VTI1B: variants seen among roughly 807,000 people sequenced by gnomAD.
VTI1B encodes vesicle transport through interaction with t-SNAREs homolog 1B.
In VTI1B, 18 loss-of-function variants were observed where a neutral mutation model predicts 28.6. That is an observed-to-expected ratio of 0.63 (90% CI 0.43 to 0.93). The LOEUF (loss-of-function observed/expected upper bound fraction) is 0.93, where lower values mean the gene tolerates loss of function less well. VTI1B is among the 40% of genes least tolerant of loss of function. The probability of loss-of-function intolerance (pLI) is 0.00; values close to 1 mark genes in which losing one functional copy is unlikely to be tolerated. For missense variants in VTI1B, 283 were observed against 297.0 expected, an observed-to-expected ratio of 0.95 and a Z score of 0.35; for synonymous variants, 100 against 107.9, an observed-to-expected ratio of 0.93 and a Z score of 0.46.
chr14:67,662,511 TC>T lies in VTI1B; in HGVS notation c.139del (p.Asp47IlefsTer31). On this transcript the variant is annotated frameshift_variant, in exon 2 of 6. Coordinates refer to ENST00000554659, the MANE Select transcript of VTI1B (RefSeq NM_006370.3). LOFTEE classifies it high-confidence loss of function. Reference sequence around the variant, plus strand: ...TGCTTCCTGTTGCTTTTCATCAAAATCCCTGATCAATTTCTTCTTTTCTTCT... The same window carrying T: ...TGCTTCCTGTTGCTTTTCATCAAAATCCTGATCAATTTCTTCTTTTCTTCT... ...GTEEKKKLIRDFDEKQQEANE... is the reference protein window; with the variant it reads ...GTEEKKKLIRXFDEKQQEANE... 1 of 1,611,692 alleles carries T rather than the reference TC, an allele frequency of 6.2e-7. No individual in the cohort carries two copies. Among genetic ancestry groups the T allele is most frequent in the East Asian group, 2.2e-5 (1 of 44,852 alleles).
At chr14:67,657,624 C>CACACACACA (rs1566812567) in intron 3 of VTI1B, among the ~76,000 whole-genome samples, 96 of 143,166 alleles carry the variant, frequency 6.7e-4, no homozygotes, top group South Asian at 5.9e-3. Flanking sequence ...ACACACACAC[C>CACACACACA]CAAAATCAAA....
chr14:67,648,264 G>A lies in VTI1B; in HGVS notation c.*3121C>T. The A allele has an allele frequency of 1.4e-6, 2 of 1,472,456 alleles. No homozygotes were observed. The highest frequency in any genetic ancestry group is 1.8e-6 in the Non-Finnish European group (2 of 1,087,108). 91.2% of individuals were successfully genotyped at this position (1,472,456 alleles called of 1,614,324 possible). On this transcript the variant is annotated 3_prime_UTR_variant, in exon 6 of 6. Transcript: ENST00000554659. Reference sequence around the variant, plus strand: ...CTCTTGCCTGCAAAGGATCTTTTCTGCTATTCCACATCATTGCAGAGTTTG... The same window carrying A: ...CTCTTGCCTGCAAAGGATCTTTTCTACTATTCCACATCATTGCAGAGTTTG...
Position 67,659,883 on chromosome 14 carries a change from A to G in VTI1B, c.214T>C (p.Ser72Pro). The change falls in exon 3 of 6, where the codon TCT becomes CCT. Residue 72 changes from serine to proline, a missense_variant. By Grantham distance (74) the Ser-to-Pro change is moderately conservative (BLOSUM62 -1). Transcript: ENST00000554659. ...MEEELRYAPLSFRNPMMSKLR... is the reference protein window; with the variant it reads ...MEEELRYAPLPFRNPMMSKLR... ...TTAGACATCATGGGGTTTCGGAAAGACAGGGGTGCATAACGTAGCTCCTCC... is the reference window on the plus strand; with the variant it reads ...TTAGACATCATGGGGTTTCGGAAAGGCAGGGGTGCATAACGTAGCTCCTCC... 2 of 1,614,164 alleles carry G rather than the reference A, an allele frequency of 1.2e-6. No individual in the cohort carries two copies. Among genetic ancestry groups the G allele is most frequent in the Non-Finnish European group, 1.7e-6 (2 of 1,180,028 alleles).
chr14:67,657,637 G>T (rs2037278605), intron 3 of VTI1B, among the ~76,000 whole-genome samples: 1 of 149,258 alleles, frequency 6.7e-6, no homozygotes, highest in Admixed American at 6.7e-5. Flanking sequence ...AAATCAAAAG[G>T]GACCCAGCTC....
At chr14:67,664,949 C>A (rs1442137724) in intron 1 of VTI1B, among the ~76,000 whole-genome samples, 1 of 152,208 alleles carries the variant, frequency 6.6e-6, no homozygotes, top group Admixed American at 6.5e-5. Flanking sequence ...TCACTGCAAA[C>A]TCCAACTCCT....
In VTI1B at chr14:67,651,066, C is replaced by T. The variant is rs1831827010; in HGVS notation, c.*319G>A. 10 of 1,060,892 alleles carry T rather than the reference C, an allele frequency of 9.4e-6. No individual in the cohort carries two copies. The highest frequency in any genetic ancestry group is 2.2e-4 in the Middle Eastern group (1 of 4,546). The allele number at this position is 1,060,892 out of a possible 1,614,324, so 65.7% of individuals were successfully genotyped here. ...TTCTCACAATTGTAAAGTTTCCCCT[C>T]TATTTTGGTGACCAATACTACTGTA... On this transcript the variant is annotated 3_prime_UTR_variant, in exon 6 of 6. Transcript: ENST00000554659.
chr14:67,653,589 T>A, intron 4 of VTI1B, 91 bp from the exon 5 acceptor site: 1 of 1,156,832 alleles, frequency 8.6e-7, no homozygotes, highest in Non-Finnish European at 1.2e-6. Context: ...CATTAAGGGA[T>A]ATATGTTGAA....
chr14:67,665,935 A>G (rs1282970373), intron 1 of VTI1B, among the ~76,000 whole-genome samples: 1 of 152,198 alleles, frequency 6.6e-6, no homozygotes, highest in Non-Finnish European at 1.5e-5. Context: ...AATGAGCACC[A>G]AGGCAGCTAT....
In VTI1B at chr14:67,651,496, A is replaced by G. The variant is rs1566809024; in HGVS notation, c.603-15T>C. 6.2e-7 allele frequency: 1 copy of G among 1,612,996 alleles called. No individual in the cohort carries two copies. Among genetic ancestry groups the G allele is most frequent in the Admixed American group, 1.7e-5 (1 of 59,972 alleles). On this transcript the variant is annotated splice_polypyrimidine_tract_variant and intron_variant, in intron 5 of 5. Coordinates refer to ENST00000554659, the MANE Select transcript of VTI1B (RefSeq NM_006370.3). ...TGGTTGTCACTCTACAAAGAGAAGC[A>G]AAGTGGGGAGTAGTCAGAAGTTTGG...
intron 1 of VTI1B, among the ~76,000 whole-genome samples, chr14:67,664,932 T>C (rs982020883): frequency 6.6e-6 from 1 of 152,216 alleles, no homozygotes; most frequent in African/African-American, 2.4e-5. Context: ...CGTGGCGTCA[T>C]CTCAGCTCAC....
At chr14:67,657,590 G>A (rs1032183401) in intron 3 of VTI1B, among the ~76,000 whole-genome samples, 8 of 141,444 alleles carry the variant, frequency 5.7e-5, no homozygotes, top group Non-Finnish European at 1.1e-4. Flanking sequence ...CAAAGCACGC[G>A]CGCGCGTGCA....
intron 1 of VTI1B, among the ~76,000 whole-genome samples, chr14:67,670,726 A>C (rs1019800012): frequency 2.0e-5 from 3 of 152,004 alleles, no homozygotes; most frequent in African/African-American, 7.2e-5. Context: ...ATGGGGTTTC[A>C]CCATGTTGAC....
rs559015262 is a variant in VTI1B, at chr14:67,659,926, G to A, written c.175-4C>T. On this transcript the variant is annotated splice_region_variant and splice_polypyrimidine_tract_variant and intron_variant, in intron 2 of 5. Coordinates refer to ENST00000554659, the MANE Select transcript of VTI1B (RefSeq NM_006370.3). ...GCTCCTCCTCCATCTCTGCCAGCTG[G>A]GAAGGCAGAAAGTAGTGAGCAGATA... The A allele has an allele frequency of 9.3e-6, 15 of 1,611,838 alleles. No homozygotes were observed. The South Asian group carries it at 1.7e-4, about 18-fold the overall frequency.
chr14:67,666,010 G>A lies in VTI1B; in HGVS notation c.116-3475C>T, dbSNP rs150154656. Among the ~76,000 whole-genome samples, 34 of 152,250 alleles carry A rather than the reference G, an allele frequency of 2.2e-4. No individual in the cohort carries two copies. The East Asian group carries it at 5.2e-3, about 23-fold the overall frequency. On this transcript the variant is annotated intron_variant, in intron 1 of 5. Coordinates refer to ENST00000554659, the MANE Select transcript of VTI1B (RefSeq NM_006370.3). The stretch of plus-strand genomic sequence containing the variant: ...TGAAATAATACCGACAGTCAAAAAC[G>A]GCTACTTCCATGGAGCAGTATTGTA...
intron 3 of VTI1B, chr14:67,657,196 T>G (rs2037269573): frequency 6.6e-6 from 1 of 152,056 alleles, no homozygotes; most frequent in African/African-American, 2.4e-5. Flanking sequence ...AGGTTCAGAG[T>G]GGTATTGCCT....
At position 67,647,264 on chromosome 14, in the gene VTI1B, C is replaced by T. The variant is rs1358195525; in HGVS notation, c.*4121G>A. 15 of 425,052 alleles carry T rather than the reference C, an allele frequency of 3.5e-5. No homozygotes were observed. In the East Asian group the frequency reaches 5.5e-4, roughly 16 times the overall value. 26.3% of individuals were successfully genotyped at this position (425,052 alleles called of 1,614,324 possible). The stretch of plus-strand genomic sequence containing the variant: ...TGTCTCATGAATTTTTCTTTATCTC[C>T]ATCTTTAATGCTTATCTTCTGAGAT... On this transcript the variant is annotated 3_prime_UTR_variant, in exon 6 of 6. Transcript: ENST00000554659.
chr14:67,651,349 C>A lies in VTI1B; in HGVS notation c.*36G>T. The A allele has an allele frequency of 1.2e-6, 2 of 1,612,618 alleles. No homozygotes were observed. Among genetic ancestry groups the A allele is most frequent in the South Asian group, 2.2e-5 (2 of 90,902 alleles). ...CCCTAACATCATGCATTCACAAGGT[C>A]AAAGTTCTGGTCCACAAACCCTTCC... On this transcript the variant is annotated 3_prime_UTR_variant, in exon 6 of 6. Coordinates refer to ENST00000554659, the MANE Select transcript of VTI1B (RefSeq NM_006370.3).
chr14:67,650,728 A>G lies in VTI1B; in HGVS notation c.*657T>C. On this transcript the variant is annotated 3_prime_UTR_variant, in exon 6 of 6. Transcript: ENST00000554659. The stretch of plus-strand genomic sequence containing the variant: ...TTGTTCTTCCAGGGTTGCTATCAGC[A>G]CTGGATCTTGTTGAAGTCAATCCTC... 6.2e-7 allele frequency: 1 copy of G among 1,614,016 alleles called. No homozygotes were observed. The highest frequency in any genetic ancestry group is 8.5e-7 in the Non-Finnish European group (1 of 1,180,020).
In VTI1B at chr14:67,648,137, A is replaced by G; in HGVS notation, c.*3248T>C. On this transcript the variant is annotated 3_prime_UTR_variant, in exon 6 of 6. Coordinates refer to ENST00000554659, the MANE Select transcript of VTI1B (RefSeq NM_006370.3). ...CAGGAACTCCTGTTGTCGGGGGACT[A>G]ACCTATCGAGAAGGCATGTATATTG... 6.2e-7 allele frequency: 1 copy of G among 1,614,076 alleles called. No individual in the cohort carries two copies. The highest frequency in any genetic ancestry group is 1.1e-5 in the South Asian group (1 of 91,080).
Sources: allele counts gnomAD v4.1 joint callset (sites outside exome capture counted in the v4.1 genomes callset), GRCh38; gene constraint gnomAD v4.1.1; transcripts MANE v1.5; gene names NCBI Gene and HGNC (gene_info 2026-07-23, HGNC 2026-07-21).